WARS2: variants seen among roughly 807,000 people sequenced by gnomAD.
The protein encoded by WARS2 is tryptophan--tRNA ligase, mitochondrial.
In WARS2, 28 loss-of-function variants were observed where a neutral mutation model predicts 36.5. The observed-to-expected ratio is 0.77, with a 90% CI of 0.57 to 1.05. The LOEUF is 1.05. Ranked by LOEUF, WARS2 falls within the 50% of genes least tolerant of loss-of-function variation. The pLI is 0.00. For missense variants in WARS2, 435 were observed against 456.8 expected, an observed-to-expected ratio of 0.95 and a Z score of 0.44; for synonymous variants, 174 against 178.4, an observed-to-expected ratio of 0.98 and a Z score of 0.20.
intron 1 of WARS2, among the ~76,000 whole-genome samples, chr1:119,078,165 T>TGCTC (rs1267244390): frequency 2.0e-5 from 3 of 152,218 alleles, no homozygotes; most frequent in African/African-American, 7.2e-5. Context: ...AGCCCATGTA[T>TGCTC]GCTCTCTCTA....
intron 1 of WARS2, among the ~76,000 whole-genome samples, chr1:119,083,632 TAG>T (rs925725738): frequency 7.9e-5 from 12 of 152,260 alleles, no homozygotes; most frequent in African/African-American, 2.9e-4. Flanking sequence ...TGATAAAATA[TAG>T]AGTCATGACA....
chr1:119,035,778 T>C (rs1647827437), intron 4 of WARS2, among the ~76,000 whole-genome samples: 1 of 152,148 alleles, frequency 6.6e-6, no homozygotes, highest in Non-Finnish European at 1.5e-5. Context: ...AATCCCAAAA[T>C]ATAAATGGTA....
chr1:119,033,142 C>G lies in WARS2; in HGVS notation c.852G>C (p.Gly284=), dbSNP rs202238245. The G allele has an allele frequency of 1.4e-4, 219 of 1,614,110 alleles. No homozygotes were observed. The highest frequency in any genetic ancestry group is 1.8e-4 in the Admixed American group (11 of 60,032). The change falls in exon 6 of 6, where the codon GGG becomes GGC. Residue 284 remains glycine, a synonymous_variant. Coordinates refer to ENST00000235521, the MANE Select transcript of WARS2 (RefSeq NM_015836.4). ...NIVAVHAAVT[G]LSVEEVVRRS... is the part of the protein sequence containing the mutation. ...GGCGCACCACTTCCTCCACGGAGAG[C>G]CCCGTCACCGCGGCATGCACCGCCA... is the stretch of plus-strand genomic sequence containing the variant.
rs117112021 is a variant in WARS2 at position 119,137,600 on chromosome 1, T to C, written c.90+2955A>G. ...AGTGCTTAAAGAAGTATGGATTCTG[T>C]GTTTGGCCAATGATGACAGGCTTAA... is the stretch of plus-strand genomic sequence containing the variant. On this transcript the variant is annotated intron_variant, in intron 1 of 5. Transcript: ENST00000235521. Among the ~76,000 whole-genome samples, 26 of 152,314 alleles carry C rather than the reference T, an allele frequency of 1.7e-4. No homozygotes were observed. In the East Asian group the frequency reaches 4.6e-3, roughly 27 times the overall value.
Position 119,033,078 on chromosome 1 carries a change from C to T in WARS2, c.916G>A (p.Val306Met), listed in dbSNP as rs1647565862. Residue 306 changes from valine (V) to methionine (M), a missense_variant, in exon 6 of 6, where the codon GTG (valine) becomes ATG (methionine). By Grantham distance (21) the Val-to-Met change is conservative (BLOSUM62 1). Transcript: ENST00000235521. ...AACTTCTCAATCACAGCATCTGCCA[C>T]GGCCAGCTTGTAGCGAGCAGTGTTC... is the stretch of plus-strand genomic sequence containing the variant. ...GMNTARYKLA[V>M]ADAVIEKFAP... is the part of the protein sequence containing the mutation. 18 of 1,614,246 alleles carry T rather than the reference C, an allele frequency of 1.1e-5. No homozygotes were observed. Among genetic ancestry groups the T allele is most frequent in the Non-Finnish European group, 1.2e-5 (14 of 1,180,052 alleles).
chr1:119,087,137 C>T (rs1255712535), intron 1 of WARS2, among the ~76,000 whole-genome samples: 2 of 152,180 alleles, frequency 1.3e-5, no homozygotes, highest in Admixed American at 1.3e-4. Context: ...TTCATTATTG[C>T]ACATATCACA....
chr1:119,100,658 T>TG (rs1269317698), intron 1 of WARS2, among the ~76,000 whole-genome samples: 1 of 152,092 alleles, frequency 6.6e-6, no homozygotes, highest in African/African-American at 2.4e-5. Flanking sequence ...TGGATAGAAC[T>TG]GGGGGGGTTT....
intron 1 of WARS2, among the ~76,000 whole-genome samples, chr1:119,101,086 G>C (rs1462703766): frequency 6.6e-6 from 1 of 152,170 alleles, no homozygotes; most frequent in African/African-American, 2.4e-5. Flanking sequence ...GGAGGATGAA[G>C]AGAAGTGGGT....
At chr1:119,067,926 G>A (rs1651005709) in intron 2 of WARS2, among the ~76,000 whole-genome samples, 1 of 152,038 alleles carries the variant, frequency 6.6e-6, no homozygotes, top group African/African-American at 2.4e-5. Context: ...ACTGCAGCTT[G>A]TTCATCATGT....
chr1:119,066,621 C>T (rs535192105), intron 2 of WARS2, among the ~76,000 whole-genome samples: 1 of 150,576 alleles, frequency 6.6e-6, no homozygotes, highest in Non-Finnish European at 1.5e-5. Context: ...TATGAGCAAA[C>T]AATTCACAAA....
At chr1:119,104,550 T>C (rs587738504) in intron 1 of WARS2, among the ~76,000 whole-genome samples, 12 of 150,940 alleles carry the variant, frequency 8.0e-5, no homozygotes, top group African/African-American at 2.9e-4. Context: ...GGAGCTTAAA[T>C]TCCATAAAGA....
intron 2 of WARS2, among the ~76,000 whole-genome samples, chr1:119,059,855 C>T (rs537735599): frequency 4.6e-5 from 7 of 152,104 alleles, no homozygotes; most frequent in African/African-American, 1.2e-4. Flanking sequence ...AAATGCTGCA[C>T]GTTCTTACTT....
intron 2 of WARS2, among the ~76,000 whole-genome samples, chr1:119,046,676 C>T (rs998991455): frequency 5.3e-5 from 8 of 151,940 alleles, no homozygotes; most frequent in African/African-American, 1.9e-4. Context: ...TTGTTTCAAC[C>T]AAATTTAATC....
chr1:119,085,026 A>G, intron 1 of WARS2: 1 of 639,048 alleles, frequency 1.6e-6, no homozygotes, highest in South Asian at 1.8e-5. Context: ...ACTGGAATTC[A>G]AAGACTCCTG....
intron 1 of WARS2, among the ~76,000 whole-genome samples, chr1:119,088,715 A>T (rs587605574): frequency 6.6e-6 from 1 of 152,314 alleles, no homozygotes; most frequent in African/African-American, 2.4e-5. Context: ...ATGGCTAGGT[A>T]GACTTACTTG....
chr1:119,106,195 A>C (rs1654225151), intron 1 of WARS2, among the ~76,000 whole-genome samples: 1 of 148,678 alleles, frequency 6.7e-6, no homozygotes, highest in African/African-American at 2.5e-5. Context: ...TCATGGCAAA[A>C]TTGAGCAGAA....
At position 119,080,420 on chromosome 1, in the gene WARS2, G is replaced by A. The variant is rs902578211; in HGVS notation, c.91-3813C>T. On this transcript the variant is annotated intron_variant, in intron 1 of 5. Coordinates refer to ENST00000235521, the MANE Select transcript of WARS2 (RefSeq NM_015836.4). ...CTGTGGGAAAAAAGTATTGTGACCA[G>A]TGGGAATGGGCTAGAAATGATCTAA... Among the ~76,000 whole-genome samples the A allele has an allele frequency of 2.6e-5, 4 of 152,290 alleles. No homozygotes were observed. In the East Asian group the frequency reaches 7.7e-4, roughly 29 times the overall value.
chr1:119,051,198 A>T (rs12741635), intron 2 of WARS2, among the ~76,000 whole-genome samples: 24,382 of 151,866 alleles, frequency 0.16, 2,188 homozygotes, highest in East Asian at 0.25. Flanking sequence ...GACACCCTTA[A>T]GTAGGCCCCA....
intron 1 of WARS2, among the ~76,000 whole-genome samples, chr1:119,123,507 A>G (rs1655459305): frequency 6.6e-6 from 1 of 151,946 alleles, no homozygotes; most frequent in South Asian, 2.1e-4. Flanking sequence ...AGTAGTTGAT[A>G]CTCCTTATCA....
Sources: allele counts gnomAD v4.1 joint callset (sites outside exome capture counted in the v4.1 genomes callset), GRCh38; gene constraint gnomAD v4.1.1; transcripts MANE v1.5; gene names NCBI Gene and HGNC (gene_info 2026-07-23, HGNC 2026-07-21).